The following ZBTB46 variants were observed in gnomAD, a reference collection of about 807,000 sequenced individuals.
ZBTB46 encodes the protein zinc finger and BTB domain containing 46.
A neutral mutation model predicts 44.1 loss-of-function variants in ZBTB46; 8 were observed. The ratio of observed to expected loss-of-function variants is 0.18; its 90% CI spans 0.11 to 0.33. The LOEUF (loss-of-function observed/expected upper bound fraction) is 0.33, where lower values mean the gene tolerates loss of function less well. ZBTB46 is among the 10% of genes least tolerant of loss of function. The pLI, the probability that ZBTB46 is intolerant of heterozygous loss-of-function variation, is 1.00. For synonymous variants in ZBTB46, 409 were observed against 382.3 expected (o/e 1.07, Z -0.81); for missense variants, 651 against 847.7 (o/e 0.77, Z 2.88).
In ZBTB46 at chr20:63,796,064, C is replaced by T. The variant is rs140723014; in HGVS notation, c.-33-5274G>A. ...CTGGATAGATGCCTGTGTCGCAGGA[C>T]GCAGACCAAGGAAATCTGAAGACCG... On this transcript the variant is annotated intron_variant, in intron 1 of 4. Transcript: ENST00000245663. Among the ~76,000 whole-genome samples the T allele has an allele frequency of 4.6e-5, 7 of 152,332 alleles. No individual in the cohort carries two copies. The East Asian group carries it at 9.7e-4, about 21-fold the overall frequency.
Position 63,747,132 on chromosome 20 carries a change from G to A in ZBTB46, c.1568C>T (p.Ser523Phe), listed in dbSNP as rs750893784. ...LDHGGGGGEGSPEALFPGDGP... is the reference protein window; with the variant it reads ...LDHGGGGGEGFPEALFPGDGP... ...GTCGCCTGGGAACAGCGCCTCTGGA[G>A]AGCCCTCGCCGCCTCCGCCGCCATG... The change falls in exon 5 of 5, where the codon TCT (serine) becomes TTT (phenylalanine). Residue 523 changes from serine to phenylalanine, a missense_variant. Transcript: ENST00000245663. 11 of 1,610,112 alleles carry A rather than the reference G, an allele frequency of 6.8e-6. No individual in the cohort carries two copies. Among genetic ancestry groups the A allele is most frequent in the Middle Eastern group, 1.6e-4 (1 of 6,066 alleles).
chr20:63,780,473 C>T (rs1224094480), intron 2 of ZBTB46, among the ~76,000 whole-genome samples: 2 of 151,988 alleles, frequency 1.3e-5, no homozygotes, highest in Non-Finnish European at 1.5e-5. Context: ...ATGCGTTATA[C>T]TTAAATTGAT....
intron 3 of ZBTB46, among the ~76,000 whole-genome samples, chr20:63,758,571 C>T (rs898076289): frequency 6.6e-6 from 1 of 151,980 alleles, no homozygotes; most frequent in African/African-American, 2.4e-5. Context: ...AACACAAATC[C>T]CCAGGTGCCC....
At chr20:63,796,771 G>A (rs938689913) in intron 1 of ZBTB46, among the ~76,000 whole-genome samples, 2 of 152,094 alleles carry the variant, frequency 1.3e-5, no homozygotes, top group East Asian at 3.9e-4. Flanking sequence ...GTTGCAGTGA[G>A]CCGAGATCAT....
chr20:63,784,966 G>C (rs1052472090), intron 2 of ZBTB46, among the ~76,000 whole-genome samples: 2 of 152,104 alleles, frequency 1.3e-5, no homozygotes, highest in African/African-American at 4.8e-5. Flanking sequence ...GGGCGTGGTG[G>C]CTCACGCCTG....
upstream of ZBTB46, among the ~76,000 whole-genome samples, chr20:63,833,508 G>A (rs1276850330): frequency 1.3e-5 from 2 of 152,168 alleles, no homozygotes; most frequent in Non-Finnish European, 2.9e-5. Context: ...GGAGAATGGC[G>A]TCAACCCGGG....
intron 1 of ZBTB46, among the ~76,000 whole-genome samples, chr20:63,800,327 G>A (rs1392344834): frequency 6.6e-6 from 1 of 152,238 alleles, no homozygotes; most frequent in Non-Finnish European, 1.5e-5. Flanking sequence ...CCGGCCAGGG[G>A]CTGCCTGGGC....
Position 63,789,968 on chromosome 20 carries a change from A to G in ZBTB46, c.790T>C (p.Trp264Arg). ...TTCTTCCTTCGGCCCGTGGGCTGCC[A>G]GGCATCACCAGCACTCTGCTCTGAG... The part of the protein sequence containing the change: ...SFSEQSAGDA[W>R]QPTGRRKNRK... Residue 264 changes from tryptophan (W) to arginine (R), a missense_variant, in exon 2 of 5, where the codon TGG becomes CGG. This residue lies in a region of ZBTB46 where 385 missense variants were observed against 423.3 expected (regional missense o/e 0.91). Transcript: ENST00000245663. The G allele has an allele frequency of 1.9e-6, 3 of 1,614,078 alleles. No individual in the cohort carries two copies. In the East Asian group the frequency reaches 6.7e-5, roughly 36 times the overall value.
chr20:63,790,959 G>A, intron 1 of ZBTB46, 169 bp from the exon 2 acceptor site: 1 of 960,572 alleles, frequency 1.0e-6, no homozygotes, highest in South Asian at 1.9e-5. Flanking sequence ...GTCTCCGCCT[G>A]AAGCAGGGCA....
At chr20:63,760,963 A>G (rs1418948130) in intron 3 of ZBTB46, among the ~76,000 whole-genome samples, 1 of 143,622 alleles carries the variant, frequency 7.0e-6, no homozygotes, top group African/African-American at 2.5e-5. Flanking sequence ...TACACTGTTG[A>G]TTTTTGTATG....
At chr20:63,778,589 G>A (rs1358034291) in intron 2 of ZBTB46, among the ~76,000 whole-genome samples, 3 of 152,294 alleles carry the variant, frequency 2.0e-5, no homozygotes, top group South Asian at 2.1e-4. Context: ...GCCCCCGTCA[G>A]GCAGCACACG....
intron 1 of ZBTB46, among the ~76,000 whole-genome samples, chr20:63,798,365 C>CA (rs1007147600): frequency 5.9e-5 from 9 of 151,890 alleles, no homozygotes; most frequent in African/African-American, 1.9e-4. Flanking sequence ...CCGGTCTTTA[C>CA]AAAAAATACA....
At chr20:63,815,819 C>A (rs1342588249) in intron 1 of ZBTB46, among the ~76,000 whole-genome samples, 2 of 141,646 alleles carry the variant, frequency 1.4e-5, no homozygotes, top group African/African-American at 5.6e-5. Flanking sequence ...GGCATAGGTG[C>A]AGTGAGTGCA....
chr20:63,799,640 G>A (rs1312739504), intron 1 of ZBTB46, among the ~76,000 whole-genome samples: 8 of 152,224 alleles, frequency 5.3e-5, no homozygotes, highest in Admixed American at 1.3e-4. Context: ...AAGCCACCAC[G>A]TGTAGCCTGG....
intron 2 of ZBTB46, among the ~76,000 whole-genome samples, chr20:63,786,567 A>G (rs745875576): frequency 6.6e-6 from 1 of 152,120 alleles, no homozygotes; most frequent in Non-Finnish European, 1.5e-5. Context: ...GCTGGAGTGC[A>G]GTGGCGCGAT....
chr20:63,804,885 C>A (rs539998893), intron 1 of ZBTB46, among the ~76,000 whole-genome samples: 2 of 150,988 alleles, frequency 1.3e-5, no homozygotes, highest in African/African-American at 2.4e-5. Context: ...TAGTGAGACT[C>A]CGTCTCAAAA....
At chr20:63,814,555 A>AG (rs1192087696) in intron 1 of ZBTB46, among the ~76,000 whole-genome samples, 1 of 152,092 alleles carries the variant, frequency 6.6e-6, no homozygotes, top group Admixed American at 6.6e-5. Context: ...CTGCCTCTGC[A>AG]GGGGGAGAGA....
chr20:63,774,676 C>CTA (rs2092405798), intron 3 of ZBTB46, among the ~76,000 whole-genome samples: 1 of 144,728 alleles, frequency 6.9e-6, no homozygotes, highest in Non-Finnish European at 1.5e-5. Context: ...TGGCTGGGGG[C>CTA]TGGCTGCGGT....
At chr20:63,794,818 G>C (rs73622895) in intron 1 of ZBTB46, among the ~76,000 whole-genome samples, 1 of 130,838 alleles carries the variant, frequency 7.6e-6, no homozygotes, top group Non-Finnish European at 1.7e-5. Context: ...CACACCCCTG[G>C]CCACAGGACA....
Sources: gnomAD v4.1 joint callset for allele counts (sites outside exome capture counted in the v4.1 genomes callset) on GRCh38, gnomAD v4.1.1 for gene constraint, gnomAD v4.1.1 regional missense constraint, MANE v1.5 for transcripts, NCBI Gene and HGNC (gene_info 2026-07-23, HGNC 2026-07-21) for gene names.